SNX29: variants seen among roughly 807,000 people sequenced by gnomAD.
SNX29 encodes sorting nexin-29.
A neutral mutation model predicts 102.1 loss-of-function variants in SNX29; 78 were observed. The observed-to-expected ratio is 0.76, with a 90% CI of 0.64 to 0.92. The LOEUF is 0.92. Ranked by LOEUF, SNX29 falls within the 40% of genes least tolerant of loss-of-function variation. The pLI, the probability that SNX29 is intolerant of heterozygous loss-of-function variation, is 0.00. For synonymous variants in SNX29, 580 were observed against 414.5 expected, an observed-to-expected ratio of 1.40 and a Z score of -4.85; for missense variants, 1,280 against 1,061.7, an observed-to-expected ratio of 1.21 and a Z score of -2.86.
intron 13 of SNX29, among the ~76,000 whole-genome samples, chr16:12,192,978 A>G (rs964585871): frequency 6.6e-6 from 1 of 152,174 alleles, no homozygotes; most frequent in African/African-American, 2.4e-5. Flanking sequence ...CTGGGATTAC[A>G]GGCGTAAGCC....
intron 13 of SNX29, among the ~76,000 whole-genome samples, chr16:12,150,580 C>G (rs1001276710): frequency 6.6e-6 from 1 of 152,226 alleles, no homozygotes; most frequent in African/African-American, 2.4e-5. Context: ...CTTTAACAAC[C>G]TGAGCCCTGT....
chr16:12,166,165 CATTA>C (rs775018591), intron 13 of SNX29, among the ~76,000 whole-genome samples: 3 of 152,220 alleles, frequency 2.0e-5, no homozygotes, highest in Non-Finnish European at 2.9e-5. Flanking sequence ...AAAGTGGATA[CATTA>C]ATTCATTGAT....
At chr16:12,070,612 A>G (rs1196962469) in intron 10 of SNX29, among the ~76,000 whole-genome samples, 1 of 151,534 alleles carries the variant, frequency 6.6e-6, no homozygotes, top group Non-Finnish European at 1.5e-5. Flanking sequence ...AGTCTTTGCT[A>G]TTGTGAATAG....
At chr16:12,485,553 C>T (rs1315592526) in intron 19 of SNX29, among the ~76,000 whole-genome samples, 2 of 152,118 alleles carry the variant, frequency 1.3e-5, no homozygotes, top group Non-Finnish European at 1.5e-5. Flanking sequence ...CGTGGGAAGC[C>T]CCTTTGCAAC....
intron 13 of SNX29, among the ~76,000 whole-genome samples, chr16:12,188,756 C>G (rs1054029014): frequency 6.6e-6 from 1 of 152,128 alleles, no homozygotes; most frequent in African/African-American, 2.4e-5. Context: ...CTCCATTTTC[C>G]ACCCCCTCCA....
intron 18 of SNX29, among the ~76,000 whole-genome samples, chr16:12,437,024 G>A (rs2085569532): frequency 6.6e-6 from 1 of 152,218 alleles, no homozygotes; most frequent in Non-Finnish European, 1.5e-5. Flanking sequence ...TGACATCTCT[G>A]AATACATGAA....
intron 20 of SNX29, among the ~76,000 whole-genome samples, chr16:12,567,368 A>C (rs139059176): frequency 8.7e-4 from 132 of 152,278 alleles, no homozygotes; most frequent in African/African-American, 2.9e-3. Context: ...CCTTGTTTTA[A>C]AACATTTTAT....
intron 4 of SNX29, among the ~76,000 whole-genome samples, chr16:12,041,215 G>A (rs1328730629): frequency 6.6e-6 from 1 of 152,110 alleles, no homozygotes; most frequent in Non-Finnish European, 1.5e-5. Context: ...GGGTTCAAAT[G>A]ATTCTCCTGC....
intron 11 of SNX29, chr16:12,087,997 G>C (rs2052297024): frequency 2.2e-6 from 1 of 456,562 alleles, no homozygotes; most frequent in Admixed American, 2.4e-5. Context: ...AGGGGGCCAT[G>C]GTCCTTTGGG....
At chr16:12,198,755 A>T (rs1231461401) in intron 13 of SNX29, among the ~76,000 whole-genome samples, 1 of 151,852 alleles carries the variant, frequency 6.6e-6, no homozygotes, top group Admixed American at 6.6e-5. Context: ...TATTTGTCCA[A>T]CTCTTCTCCT....
intron 1 of SNX29, among the ~76,000 whole-genome samples, chr16:11,989,107 G>A (rs2055744518): frequency 6.6e-6 from 1 of 152,036 alleles, no homozygotes; most frequent in Non-Finnish European, 1.5e-5. Flanking sequence ...TCAGTAGCTG[G>A]GATTACGGGT....
intron 3 of SNX29, among the ~76,000 whole-genome samples, chr16:12,019,452 G>A (rs377513820): frequency 1.1e-4 from 16 of 151,992 alleles, no homozygotes; most frequent in African/African-American, 3.1e-4. Flanking sequence ...TGATCTGCCC[G>A]CCTCGGCCTC....
At chr16:12,126,737 G>C (rs754715986) in intron 12 of SNX29, 41 bp downstream of exon 12, 1 of 1,608,132 alleles carries the variant, frequency 6.2e-7, no homozygotes, top group Non-Finnish European at 8.5e-7. Flanking sequence ...CTCTTTCTTT[G>C]ACATTCTGCC....
intron 15 of SNX29, among the ~76,000 whole-genome samples, chr16:12,349,197 T>C (rs2081920141): frequency 6.6e-6 from 1 of 152,206 alleles, no homozygotes; most frequent in Non-Finnish European, 1.5e-5. Context: ...TCCTGGGTTA[T>C]TTATTTGTTG....
intron 15 of SNX29, among the ~76,000 whole-genome samples, chr16:12,285,467 G>T (rs1367948881): frequency 6.6e-6 from 1 of 152,148 alleles, no homozygotes; most frequent in Non-Finnish European, 1.5e-5. Flanking sequence ...TAAAATAAAT[G>T]GTGTATTAGC....
At chr16:12,037,777 C>A (rs1225723920) in intron 4 of SNX29, among the ~76,000 whole-genome samples, 2 of 151,626 alleles carry the variant, frequency 1.3e-5, no homozygotes, top group Non-Finnish European at 2.9e-5. Flanking sequence ...CATAGTAAGA[C>A]CCTCGTCTCT....
chr16:11,986,491 T>C (rs1596530133), intron 1 of SNX29, among the ~76,000 whole-genome samples: 1 of 152,192 alleles, frequency 6.6e-6, no homozygotes, highest in East Asian at 1.9e-4. Flanking sequence ...TAGGTATTCC[T>C]CTTCTGCCTT....
Position 11,981,878 on chromosome 16 carries a change from C to T in SNX29, c.7+5065C>T, listed in dbSNP as rs35779644. Among the ~76,000 whole-genome samples the T allele has an allele frequency of 4.0e-3, 613 of 152,132 alleles. 4 individuals are homozygous for T. The highest frequency in any genetic ancestry group is 0.017 in the Middle Eastern group (5 of 294). On this transcript the variant is annotated intron_variant, in intron 1 of 20. Coordinates refer to ENST00000566228, the MANE Select transcript of SNX29 (RefSeq NM_032167.5). ...ATTGATACGGATTCATACACATCAC[C>T]GTGGCTGCATCTCAACGTTAATGTT...
At chr16:12,469,570 C>G (rs539753366) in intron 18 of SNX29, among the ~76,000 whole-genome samples, 1 of 152,266 alleles carries the variant, frequency 6.6e-6, no homozygotes, top group South Asian at 2.1e-4. Flanking sequence ...GTTGATAACA[C>G]TTGTTTTTCT....
Sources: allele counts gnomAD v4.1 joint callset (sites outside exome capture counted in the v4.1 genomes callset), GRCh38; gene constraint gnomAD v4.1.1; transcripts MANE v1.5; gene names NCBI Gene and HGNC (gene_info 2026-07-23, HGNC 2026-07-21).